The following UTRN variants were observed in gnomAD, a reference collection of about 807,000 sequenced individuals.
UTRN encodes the protein dystrophin-related protein 1.
Under a neutral mutation model 463.9 loss-of-function variants are expected in UTRN, and 283 were observed. The observed-to-expected ratio is 0.61, with a 90% CI of 0.55 to 0.67. UTRN has a LOEUF of 0.67. Among genes scored for constraint, UTRN ranks in the 30% least tolerant of loss-of-function variants. The pLI is 0.00. For missense variants in UTRN, 3,922 were observed against 4,084.3 expected (o/e 0.96, Z 1.08); for synonymous variants, 1,442 against 1,431.5 (o/e 1.01, Z -0.17).
intron 54 of UTRN, among the ~76,000 whole-genome samples, chr6:144,737,985 A>AT (rs1016916813): frequency 1.2e-4 from 19 of 152,124 alleles, no homozygotes; most frequent in Admixed American, 3.9e-4. Context: ...ATACAGTATG[A>AT]TTTTTTTTAA....
At chr6:144,369,357 G>A (rs764787566) in intron 2 of UTRN, among the ~76,000 whole-genome samples, 39 of 152,294 alleles carry the variant, frequency 2.6e-4, no homozygotes, top group South Asian at 6.2e-4. Context: ...GGTGGCTCAC[G>A]CCTGTAATCC....
chr6:144,388,477 T>C (rs1166245409), intron 2 of UTRN, among the ~76,000 whole-genome samples: 4 of 147,288 alleles, frequency 2.7e-5, no homozygotes, highest in Admixed American at 2.7e-4. Context: ...TCTGCCTGGC[T>C]AATATTATTT....
intron 65 of UTRN, 119 bp from the exon 66 acceptor site, chr6:144,820,763 T>TA: frequency 7.6e-7 from 1 of 1,314,968 alleles, no homozygotes; most frequent in Non-Finnish European, 1.0e-6. Context: ...CAAAAATGCA[T>TA]AAAACTACCA....
At chr6:144,807,168 C>T (rs1006404443) in intron 65 of UTRN, among the ~76,000 whole-genome samples, 2 of 152,078 alleles carry the variant, frequency 1.3e-5, no homozygotes, top group Non-Finnish European at 2.9e-5. Context: ...TTACTGACTT[C>T]ATCTCTTTCC....
intron 13 of UTRN, 61 bp from the exon 14 acceptor site, chr6:144,444,220 A>G (rs1252289713): frequency 7.7e-7 from 1 of 1,292,614 alleles, no homozygotes; most frequent in Non-Finnish European, 1.1e-6. Context: ...AATTTCTTCA[A>G]GGATTGTGAT....
chr6:144,574,622 C>T (rs540982950), intron 50 of UTRN, among the ~76,000 whole-genome samples: 10 of 152,158 alleles, frequency 6.6e-5, no homozygotes, highest in African/African-American at 2.2e-4. Context: ...ACTCTGTCAC[C>T]CAGACTGGGG....
intron 53 of UTRN, among the ~76,000 whole-genome samples, chr6:144,701,319 T>TAA (rs79923959): frequency 4.2e-5 from 6 of 141,336 alleles, no homozygotes; most frequent in African/African-American, 1.3e-4. Context: ...GGACTTGTAG[T>TAA]AAAAAAAAAA....
At chr6:144,305,681 G>T (rs934089867) in intron 2 of UTRN, among the ~76,000 whole-genome samples, 25 of 152,230 alleles carry the variant, frequency 1.6e-4, no homozygotes, top group Admixed American at 1.2e-3. Context: ...GCTGGTGCTG[G>T]GATGGCCCTT....
Position 144,327,892 on chromosome 6 carries a change from C to T in UTRN, c.79+35985C>T, listed in dbSNP as rs530696933. Among the ~76,000 whole-genome samples, 118 of 151,576 alleles carry T rather than the reference C, an allele frequency of 7.8e-4. 1 individual carries two copies. Among genetic ancestry groups the T allele is most frequent in the Non-Finnish European group, 1.3e-3 (85 of 67,866 alleles). Reference sequence around the variant, plus strand: ...CCGGGAGGTGGAGGTTGCAGTGAGCCGAGATCACACCATTGCACTCCAGCC... The same window carrying T: ...CCGGGAGGTGGAGGTTGCAGTGAGCTGAGATCACACCATTGCACTCCAGCC... On this transcript the variant is annotated intron_variant, in intron 2 of 74. Coordinates refer to ENST00000367545, the MANE Select transcript of UTRN (RefSeq NM_007124.3).
chr6:144,410,417 A>G (rs1180212626), intron 3 of UTRN, among the ~76,000 whole-genome samples: 1 of 151,836 alleles, frequency 6.6e-6, no homozygotes, highest in Non-Finnish European at 1.5e-5. Context: ...TTATTTATTT[A>G]TGTTGTTTTA....
At chr6:144,363,792 G>A (rs1779272890) in intron 2 of UTRN, among the ~76,000 whole-genome samples, 1 of 152,188 alleles carries the variant, frequency 6.6e-6, no homozygotes, top group Non-Finnish European at 1.5e-5. Flanking sequence ...TGTGGATACT[G>A]ATGGCAATGT....
chr6:144,339,394 A>C (rs189808871), intron 2 of UTRN, among the ~76,000 whole-genome samples: 5 of 152,256 alleles, frequency 3.3e-5, no homozygotes, highest in African/African-American at 1.2e-4. Flanking sequence ...TGTAGACCAG[A>C]AAAAGGGGGC....
intron 2 of UTRN, among the ~76,000 whole-genome samples, chr6:144,367,334 T>TA (rs10565161): frequency 0.01 from 1,491 of 147,216 alleles, 24 homozygotes; most frequent in African/African-American, 0.035. Flanking sequence ...AAGGATTTGT[T>TA]AAAAAAAAAA....
chr6:144,846,474 G>C (rs1215325953), intron 73 of UTRN, among the ~76,000 whole-genome samples: 1 of 152,194 alleles, frequency 6.6e-6, no homozygotes, highest in Non-Finnish European at 1.5e-5. Context: ...AACATGCTCT[G>C]TTCTGATACA....
At chr6:144,437,025 T>C (rs1438244177) in intron 10 of UTRN, among the ~76,000 whole-genome samples, 1 of 151,456 alleles carries the variant, frequency 6.6e-6, no homozygotes, top group Non-Finnish European at 1.5e-5. Context: ...CAATCTTGGC[T>C]CACTGCAACT....
intron 50 of UTRN, among the ~76,000 whole-genome samples, chr6:144,570,439 T>C (rs1800832175): frequency 1.3e-5 from 2 of 152,098 alleles, no homozygotes; most frequent in South Asian, 4.1e-4. Flanking sequence ...AGGCAAAGTT[T>C]AGGGATGATG....
At chr6:144,315,402 G>T (rs1775217155) in intron 2 of UTRN, among the ~76,000 whole-genome samples, 1 of 152,156 alleles carries the variant, frequency 6.6e-6, no homozygotes, top group African/African-American at 2.4e-5. Flanking sequence ...GGGAAGAGAG[G>T]AAGGAAGGTT....
At chr6:144,408,078 A>G (rs1783571636) in intron 3 of UTRN, among the ~76,000 whole-genome samples, 1 of 152,242 alleles carries the variant, frequency 6.6e-6, no homozygotes, top group African/African-American at 2.4e-5. Flanking sequence ...ATCGTGAAGA[A>G]ATATTGAGGC....
At chr6:144,413,467 G>A (rs955484920) in intron 3 of UTRN, among the ~76,000 whole-genome samples, 1 of 152,158 alleles carries the variant, frequency 6.6e-6, no homozygotes, top group Non-Finnish European at 1.5e-5. Context: ...GCAAGAGAGA[G>A]AGCATGTGCA....
Sources: gnomAD v4.1 joint callset for allele counts (sites outside exome capture counted in the v4.1 genomes callset) on GRCh38, gnomAD v4.1.1 for gene constraint, MANE v1.5 for transcripts, NCBI Gene and HGNC (gene_info 2026-07-23, HGNC 2026-07-21) for gene names.